TMEM132D: variants seen among roughly 807,000 people sequenced by gnomAD.
TMEM132D encodes transmembrane protein 132D, also known as mature OL transmembrane protein.
TMEM132D carries 21 observed loss-of-function variants against 62.3 expected under a neutral mutation model. That is an observed-to-expected ratio of 0.34 (90% CI 0.24 to 0.49). TMEM132D has a LOEUF of 0.49. Ranked by LOEUF, TMEM132D falls within the 20% of genes least tolerant of loss-of-function variation. The pLI is 0.99. For missense variants in TMEM132D, 1,346 were observed against 1,402.8 expected, an observed-to-expected ratio of 0.96 and a Z score of 0.65; for synonymous variants, 621 against 575.6, an observed-to-expected ratio of 1.08 and a Z score of -1.13.
At chr12:129,694,961 C>G (rs868608590) in intron 2 of TMEM132D, among the ~76,000 whole-genome samples, 6 of 152,072 alleles carry the variant, frequency 3.9e-5, no homozygotes, top group African/African-American at 1.4e-4. Context: ...TGAGCCGAGA[C>G]CACGCCATTG....
Position 129,178,433 on chromosome 12 carries a change from G to GTTT in TMEM132D, c.1443+31084_1443+31086dup, listed in dbSNP as rs60615317. On this transcript the variant is annotated intron_variant, in intron 5 of 8. Coordinates refer to ENST00000422113, the MANE Select transcript of TMEM132D (RefSeq NM_133448.3). ...TTTCTCCACAATCTCACCAGCATCT[G>GTTT]TTTTTTTTTTTTTTTTGTGACTTTT... Among the ~76,000 whole-genome samples the GTTT allele has an allele frequency of 4.8e-3, 682 of 140,940 alleles. 7 individuals are homozygous for GTTT. The highest frequency in any genetic ancestry group is 0.015 in the African/African-American group (586 of 37,916). 92.5% of individuals were successfully genotyped at this position (140,940 alleles called of 152,430 possible).
rs186310011 is a variant in TMEM132D at position 129,084,753 on chromosome 12, G to A, written c.1444-51C>T. On this transcript the variant is annotated intron_variant, in intron 5 of 8. Coordinates refer to ENST00000422113, the MANE Select transcript of TMEM132D (RefSeq NM_133448.3). ...GGAGGGAAAGGTGAGCTTTCATCCC[G>A]TTGCATGGCCCAAGGAGGAGGAAAG... The A allele has an allele frequency of 7.6e-5, 120 of 1,572,634 alleles. 1 individual carries two copies. The highest frequency in any genetic ancestry group is 3.4e-4 in the Middle Eastern group (2 of 5,924).
At chr12:129,721,618 C>T (rs1050792139) in intron 1 of TMEM132D, among the ~76,000 whole-genome samples, 1 of 152,006 alleles carries the variant, frequency 6.6e-6, no homozygotes, top group African/African-American at 2.4e-5. Context: ...CGTTGATCTC[C>T]TCTGAGAACC....
At chr12:129,395,696 T>A (rs1871404156) in intron 3 of TMEM132D, among the ~76,000 whole-genome samples, 1 of 103,614 alleles carries the variant, frequency 9.7e-6, no homozygotes, top group African/African-American at 3.5e-5. Context: ...TATATCTACA[T>A]AGATATATCT....
chr12:129,471,512 C>T (rs1410644755), intron 3 of TMEM132D, among the ~76,000 whole-genome samples: 2 of 152,272 alleles, frequency 1.3e-5, no homozygotes, highest in East Asian at 3.9e-4. Context: ...TCCCTCTCCT[C>T]GGGCCTTCCT....
At chr12:129,274,885 TCAAAAA>T (rs942315523) in intron 4 of TMEM132D, among the ~76,000 whole-genome samples, 14 of 152,240 alleles carry the variant, frequency 9.2e-5, no homozygotes, top group African/African-American at 1.9e-4. Context: ...AGACTCCGTC[TCAAAAA>T]CAAAAACAAA....
chr12:129,093,540 C>A (rs182186780), intron 5 of TMEM132D, among the ~76,000 whole-genome samples: 25 of 152,274 alleles, frequency 1.6e-4, no homozygotes, highest in African/African-American at 6.0e-4. Flanking sequence ...AAAGAGGATG[C>A]AAACAAATGG....
At chr12:129,894,659 G>C (rs964739484) in intron 1 of TMEM132D, among the ~76,000 whole-genome samples, 2 of 152,140 alleles carry the variant, frequency 1.3e-5, no homozygotes, top group African/African-American at 2.4e-5. Context: ...GAGTGCTCCT[G>C]GCCTTCCAGG....
intron 3 of TMEM132D, among the ~76,000 whole-genome samples, chr12:129,353,482 G>T (rs1234116697): frequency 6.6e-6 from 1 of 152,072 alleles, no homozygotes; most frequent in African/African-American, 2.4e-5. Flanking sequence ...CATCCTGCCA[G>T]CCCCCCTCTT....
chr12:129,167,813 A>C (rs1055489044), intron 5 of TMEM132D, among the ~76,000 whole-genome samples: 1 of 152,080 alleles, frequency 6.6e-6, no homozygotes, highest in Admixed American at 6.5e-5. Context: ...CCCCAGATTC[A>C]GTGTTTCTAA....
At chr12:129,528,846 A>C (rs1311974079) in intron 3 of TMEM132D, among the ~76,000 whole-genome samples, 1 of 152,202 alleles carries the variant, frequency 6.6e-6, no homozygotes, top group Admixed American at 6.5e-5. Context: ...AAACTATAAG[A>C]CTTCCGTTCT....
At chr12:129,130,995 C>G (rs1876359230) in intron 5 of TMEM132D, among the ~76,000 whole-genome samples, 1 of 152,114 alleles carries the variant, frequency 6.6e-6, no homozygotes, top group Non-Finnish European at 1.5e-5. Flanking sequence ...ACCGAGGCAT[C>G]AGCACTGTAA....
At chr12:129,147,259 C>T (rs992054120) in intron 5 of TMEM132D, among the ~76,000 whole-genome samples, 6 of 88,606 alleles carry the variant, frequency 6.8e-5, no homozygotes, top group South Asian at 4.1e-4. Flanking sequence ...TGTATATATA[C>T]ATATGTGCAT....
intron 2 of TMEM132D, among the ~76,000 whole-genome samples, chr12:129,649,658 AAAC>A (rs1428965352): frequency 1.3e-5 from 2 of 152,160 alleles, no homozygotes; most frequent in Non-Finnish European, 1.5e-5. Context: ...TATATGTAAA[AAAC>A]AACCTATAGA....
chr12:129,598,584 C>A (rs1393667760), intron 2 of TMEM132D, among the ~76,000 whole-genome samples: 1 of 151,956 alleles, frequency 6.6e-6, no homozygotes, highest in Admixed American at 6.6e-5. Context: ...TAAATAAAAG[C>A]CAAAGAAACA....
At chr12:129,738,219 C>A (rs187769240) in intron 1 of TMEM132D, among the ~76,000 whole-genome samples, 4 of 152,204 alleles carry the variant, frequency 2.6e-5, no homozygotes, top group African/African-American at 7.2e-5. Context: ...CCATGTTATT[C>A]CTTGCTGCAT....
chr12:129,357,422 A>T (rs375614658), intron 3 of TMEM132D, among the ~76,000 whole-genome samples: 1 of 151,114 alleles, frequency 6.6e-6, no homozygotes, highest in East Asian at 1.9e-4. Context: ...AAGGAGAAAG[A>T]AAGACGGAAG....
intron 1 of TMEM132D, among the ~76,000 whole-genome samples, chr12:129,830,292 T>C (rs1195076084): frequency 6.6e-6 from 1 of 152,240 alleles, no homozygotes; most frequent in South Asian, 2.1e-4. Context: ...TACACACTCA[T>C]ATATCATCCA....
intron 2 of TMEM132D, among the ~76,000 whole-genome samples, chr12:129,658,993 C>T (rs921797761): frequency 3.9e-5 from 6 of 152,088 alleles, no homozygotes; most frequent in East Asian, 1.9e-4. Context: ...CTCCAACTCC[C>T]GGGATCAAGG....
Sources: allele counts gnomAD v4.1 joint callset (sites outside exome capture counted in the v4.1 genomes callset), GRCh38; gene constraint gnomAD v4.1.1; transcripts MANE v1.5; gene names NCBI Gene and HGNC (gene_info 2026-07-23, HGNC 2026-07-21).